The following MEI1 variants were observed in gnomAD, a reference collection of about 807,000 sequenced individuals.
MEI1 encodes meiotic double-stranded break formation protein 1, also known as meiosis inhibitor protein 1.
A neutral mutation model predicts 146.2 loss-of-function variants in MEI1; 103 were observed. That is an observed-to-expected ratio of 0.70 (90% CI 0.60 to 0.83). The LOEUF is 0.83. Among genes scored for constraint, MEI1 ranks in the 40% least tolerant of loss-of-function variants. The pLI, the probability that MEI1 is intolerant of heterozygous loss-of-function variation, is 0.00. For synonymous variants in MEI1, 652 were observed against 628.2 expected, an observed-to-expected ratio of 1.04 and a Z score of -0.57; for missense variants, 1,529 against 1,533.0, an observed-to-expected ratio of 1.00 and a Z score of 0.04.
intron 16 of MEI1, among the ~76,000 whole-genome samples, chr22:41,753,010 G>A (rs2073871161): frequency 6.6e-6 from 1 of 151,682 alleles, no homozygotes; most frequent in East Asian, 1.9e-4. Context: ...GCAAGACCCT[G>A]GTCTCTACAA....
intron 4 of MEI1, among the ~76,000 whole-genome samples, chr22:41,714,716 CAA>C (rs59541417): frequency 0.014 from 1,964 of 144,710 alleles, 42 homozygotes; most frequent in African/African-American, 0.043. Context: ...ACTAAAAATA[CAA>C]AAAAAAAAAA....
intron 15 of MEI1, among the ~76,000 whole-genome samples, chr22:41,748,817 T>G (rs77047189): frequency 6.6e-6 from 1 of 151,990 alleles, no homozygotes; most frequent in Admixed American, 6.6e-5. Flanking sequence ...TTTTTTTTTT[T>G]GTCTGAGATT....
chr22:41,754,771 T>C (rs1282221974), intron 17 of MEI1, among the ~76,000 whole-genome samples: 1 of 152,162 alleles, frequency 6.6e-6, no homozygotes, highest in Non-Finnish European at 1.5e-5. Flanking sequence ...CAGACTCCAT[T>C]CCAGGTGCTG....
intron 17 of MEI1, among the ~76,000 whole-genome samples, 198 bp downstream of exon 17, chr22:41,754,244 A>G (rs1182292581): frequency 1.3e-5 from 2 of 152,106 alleles, no homozygotes; most frequent in Non-Finnish European, 2.9e-5. Flanking sequence ...GATGGAACCC[A>G]AGGCTCCTGG....
rs976498279 is a variant in MEI1 at position 41,747,033 on chromosome 22, G to A, written c.1680+1007G>A. Among the ~76,000 whole-genome samples, 102 of 139,802 alleles carry A rather than the reference G, an allele frequency of 7.3e-4. 1 individual carries two copies. The highest frequency in any genetic ancestry group is 2.3e-3 in the African/African-American group (92 of 39,948). The allele number at this position is 139,802 out of a possible 152,430, so 91.7% of individuals were successfully genotyped here. A position where few individuals can be genotyped will look rare whatever the true frequency, so the allele number is the denominator to read the frequency against. On this transcript the variant is annotated intron_variant, in intron 14 of 30. Transcript: ENST00000401548. ...CTGTATTTTACACATTTTCTTTAAT[G>A]AGCATATATTACTTTTATAATAATA...
At chr22:41,704,183 A>C (rs1306151601) in intron 2 of MEI1, among the ~76,000 whole-genome samples, 1 of 152,136 alleles carries the variant, frequency 6.6e-6, no homozygotes, top group Admixed American at 6.6e-5. Context: ...TGTCCAGTGG[A>C]ATGAGCCCTT....
intron 22 of MEI1, among the ~76,000 whole-genome samples, chr22:41,780,195 A>G (rs915053600): frequency 6.6e-6 from 1 of 152,180 alleles, no homozygotes; most frequent in African/African-American, 2.4e-5. Flanking sequence ...ACAGGCTGAA[A>G]CCCACACATG....
At chr22:41,777,060 G>A (rs757940480) in intron 21 of MEI1, among the ~76,000 whole-genome samples, 4 of 151,820 alleles carry the variant, frequency 2.6e-5, no homozygotes, top group African/African-American at 4.8e-5. Context: ...CAAGTGATCC[G>A]CCCACCTCAG....
At chr22:41,736,506 G>C (rs185805989) in intron 11 of MEI1, among the ~76,000 whole-genome samples, 2 of 152,048 alleles carry the variant, frequency 1.3e-5, no homozygotes, top group African/African-American at 4.8e-5. Flanking sequence ...GCGTGCCTCT[G>C]CCTCTCAAAG....
chr22:41,702,936 T>C (rs2147202584), intron 1 of MEI1, among the ~76,000 whole-genome samples: 1 of 152,230 alleles, frequency 6.6e-6, no homozygotes, highest in African/African-American at 2.4e-5. Flanking sequence ...GCCATGCTGG[T>C]CTGGAACTCT....
intron 13 of MEI1, 29 bp from the exon 14 acceptor site, chr22:41,745,856 G>A (rs770456738): frequency 3.2e-6 from 5 of 1,577,328 alleles, no homozygotes; most frequent in East Asian, 4.5e-5. Flanking sequence ...ATAGGTGGTA[G>A]TGGATATACT....
At chr22:41,727,078 T>G in intron 7 of MEI1, among the ~76,000 whole-genome samples, 1 of 152,172 alleles carries the variant, frequency 6.6e-6, no homozygotes, top group East Asian at 1.9e-4. Context: ...CTGGCTTTTT[T>G]TTTTCTTTTC....
chr22:41,779,462 A>G (rs532408056), intron 22 of MEI1, among the ~76,000 whole-genome samples: 2 of 152,250 alleles, frequency 1.3e-5, no homozygotes, highest in Admixed American at 1.3e-4. Context: ...CCTAAAACAA[A>G]CAAATCTGTA....
intron 9 of MEI1, among the ~76,000 whole-genome samples, chr22:41,731,350 C>T (rs2071845502): frequency 1.3e-5 from 2 of 149,856 alleles, no homozygotes; most frequent in African/African-American, 4.9e-5. Context: ...CCACGCCAGG[C>T]GACTTTTTCT....
In MEI1 at chr22:41,781,819, G is replaced by A. The variant is rs1440359061; in HGVS notation, c.3061G>A (p.Ala1021Thr). 6 of 1,613,964 alleles carry A rather than the reference G, an allele frequency of 3.7e-6. No homozygotes were observed. In the East Asian group the frequency reaches 1.3e-4, roughly 36 times the overall value. ...CTGGCTGCTCACTGCCTCCTTCTCT[G>A]CCCAGCAGCACAAGGGCAGTTTGCA... ...SAWLLTASFS[A>T]QQHKGSLQVH... Residue 1021 changes from alanine to threonine, a missense_variant, in exon 24 of 31, where the codon GCC becomes ACC. Coordinates refer to ENST00000401548, the MANE Select transcript of MEI1 (RefSeq NM_152513.4).
chr22:41,785,198 G>C (rs941346267), intron 26 of MEI1, among the ~76,000 whole-genome samples: 1 of 151,766 alleles, frequency 6.6e-6, no homozygotes, highest in African/African-American at 2.4e-5. Context: ...GCCTCCCAAA[G>C]TGCTGGGATT....
At chr22:41,732,737 A>T in intron 11 of MEI1, 134 bp downstream of exon 11, 3 of 926,146 alleles carry the variant, frequency 3.2e-6, no homozygotes, top group Non-Finnish European at 1.5e-6. Flanking sequence ...ATAATTGTGG[A>T]TTCCACATCC....
intron 6 of MEI1, among the ~76,000 whole-genome samples, chr22:41,719,085 C>T (rs965862158): frequency 6.6e-6 from 1 of 151,720 alleles, no homozygotes; most frequent in East Asian, 1.9e-4. Flanking sequence ...CGGGTTCACA[C>T]CATTCTCCTG....
intron 26 of MEI1, among the ~76,000 whole-genome samples, chr22:41,785,894 TATTTTTTTATTTTTTA>T (rs2075958346): frequency 2.2e-5 from 3 of 138,328 alleles, no homozygotes; most frequent in African/African-American, 7.7e-5. Flanking sequence ...TTTATTTTTT[TATTTTTTTATTTTTTA>T]TTTTATTTTT....
Sources: allele counts gnomAD v4.1 joint callset (sites outside exome capture counted in the v4.1 genomes callset), GRCh38; gene constraint gnomAD v4.1.1; transcripts MANE v1.5; gene names NCBI Gene and HGNC (gene_info 2026-07-23, HGNC 2026-07-21).